CNTN4: variants seen among roughly 807,000 people sequenced by gnomAD.
CNTN4 encodes contactin-4.
In CNTN4, 77 loss-of-function variants were observed where a neutral mutation model predicts 122.5. That is an observed-to-expected ratio of 0.63 (90% CI 0.52 to 0.76). The LOEUF is 0.76. CNTN4 is among the 30% of genes least tolerant of loss of function. CNTN4 has a pLI of 0.00. For synonymous variants in CNTN4, 512 were observed against 447.0 expected (o/e 1.15, Z -1.83); for missense variants, 1,256 against 1,259.1 (o/e 1.00, Z 0.04).
intron 7 of CNTN4, among the ~76,000 whole-genome samples, chr3:2,821,185 G>A (rs901328299): frequency 4.6e-5 from 7 of 151,934 alleles, no homozygotes; most frequent in Non-Finnish European, 7.4e-5. Context: ...TCAAACTCCT[G>A]ACCTCAAGTG....
At chr3:2,914,269 G>A (rs567854096) in intron 12 of CNTN4, among the ~76,000 whole-genome samples, 38 of 151,946 alleles carry the variant, frequency 2.5e-4, no homozygotes, top group African/African-American at 7.7e-4. Context: ...TTTAAAAACT[G>A]AAAAATCAGT....
intron 13 of CNTN4, among the ~76,000 whole-genome samples, chr3:2,983,430 G>A (rs1030022823): frequency 6.6e-6 from 1 of 151,918 alleles, no homozygotes; most frequent in Non-Finnish European, 1.5e-5. Flanking sequence ...AGTCTTAACA[G>A]AATCCTTTGT....
chr3:2,621,252 C>G (rs182488170), intron 4 of CNTN4, among the ~76,000 whole-genome samples: 78 of 152,302 alleles, frequency 5.1e-4, no homozygotes, highest in African/African-American at 1.8e-3. Flanking sequence ...GAGTCTGCCT[C>G]AACACATTCT....
At chr3:2,804,065 G>GCACACACACACACACACA (rs71058651) in intron 6 of CNTN4, among the ~76,000 whole-genome samples, 1 of 144,326 alleles carries the variant, frequency 6.9e-6, no homozygotes, top group Non-Finnish European at 1.5e-5. Context: ...ATATATGTCT[G>GCACACACACACACACACA]CACACACACA....
chr3:2,535,641 T>A (rs545630019), intron 3 of CNTN4, among the ~76,000 whole-genome samples: 1 of 152,278 alleles, frequency 6.6e-6, no homozygotes, highest in Admixed American at 6.5e-5. Context: ...TATGTTCTAA[T>A]CTATTCCTAA....
At chr3:2,867,962 C>G (rs2093742770) in intron 8 of CNTN4, among the ~76,000 whole-genome samples, 1 of 152,116 alleles carries the variant, frequency 6.6e-6, no homozygotes, top group Non-Finnish European at 1.5e-5. Context: ...TAAATTCAAA[C>G]AAAGACATAA....
intron 2 of CNTN4, among the ~76,000 whole-genome samples, chr3:2,234,754 G>A (rs1000084112): frequency 6.6e-6 from 1 of 152,152 alleles, no homozygotes; most frequent in African/African-American, 2.4e-5. Flanking sequence ...TCGTCACAAA[G>A]AGCATATTTC....
intron 2 of CNTN4, among the ~76,000 whole-genome samples, chr3:2,191,777 A>G (rs188353351): frequency 4.6e-5 from 7 of 151,992 alleles, no homozygotes; most frequent in Non-Finnish European, 1.0e-4. Context: ...CATGTGCACA[A>G]CATGAGGTTT....
intron 3 of CNTN4, among the ~76,000 whole-genome samples, chr3:2,503,386 G>A (rs769553359): frequency 2.6e-5 from 4 of 152,114 alleles, no homozygotes; most frequent in African/African-American, 7.2e-5. Context: ...GTCTATGTTC[G>A]AAAATTTTAT....
intron 6 of CNTN4, among the ~76,000 whole-genome samples, chr3:2,764,248 A>T (rs2090735479): frequency 6.6e-6 from 1 of 152,226 alleles, no homozygotes; most frequent in Admixed American, 6.5e-5. Context: ...AATTGAGACA[A>T]ATGCTAAGAA....
At chr3:2,577,147 C>T (rs1047718120) in intron 4 of CNTN4, among the ~76,000 whole-genome samples, 2 of 152,192 alleles carry the variant, frequency 1.3e-5, no homozygotes, top group African/African-American at 4.8e-5. Flanking sequence ...TTTACTTCTG[C>T]TTCTTGGTAT....
chr3:2,275,931 A>ACC (rs1246830721), intron 2 of CNTN4, among the ~76,000 whole-genome samples: 1 of 101,200 alleles, frequency 9.9e-6, no homozygotes, highest in Non-Finnish European at 2.2e-5. Context: ...AAAAAAAAAA[A>ACC]AAAAAACAAA....
At chr3:2,950,810 T>G (rs2124827297) in intron 13 of CNTN4, among the ~76,000 whole-genome samples, 1 of 152,048 alleles carries the variant, frequency 6.6e-6, no homozygotes, top group East Asian at 1.9e-4. Flanking sequence ...GCCCATGAAC[T>G]TATCCTTATA....
At chr3:2,798,068 C>CTCCCATCT (rs2092246006) in intron 6 of CNTN4, among the ~76,000 whole-genome samples, 1 of 146,972 alleles carries the variant, frequency 6.8e-6, no homozygotes, top group Non-Finnish European at 1.5e-5. Context: ...TTTTTAATCC[C>CTCCCATCT]TCCCACCCTC....
intron 13 of CNTN4, among the ~76,000 whole-genome samples, chr3:2,984,942 GTTA>G: frequency 6.6e-6 from 1 of 152,238 alleles, no homozygotes; most frequent in East Asian, 1.9e-4. Context: ...AGCTATTTTT[GTTA>G]TTATTGAGGT....
At chr3:2,924,906 C>A (rs1216562652) in intron 12 of CNTN4, among the ~76,000 whole-genome samples, 2 of 151,854 alleles carry the variant, frequency 1.3e-5, no homozygotes, top group African/African-American at 4.8e-5. Context: ...GAGGTGGCGA[C>A]CATATCAGAG....
intron 3 of CNTN4, among the ~76,000 whole-genome samples, chr3:2,467,722 G>A (rs543236645): frequency 6.6e-6 from 1 of 152,168 alleles, no homozygotes; most frequent in East Asian, 1.9e-4. Flanking sequence ...CTTAGATATA[G>A]GTGTAAATTA....
intron 3 of CNTN4, among the ~76,000 whole-genome samples, chr3:2,507,567 C>G (rs2149046401): frequency 6.6e-6 from 1 of 151,666 alleles, no homozygotes; most frequent in Admixed American, 6.6e-5. Flanking sequence ...AACCCCGTCT[C>G]TACTAAAAAT....
intron 2 of CNTN4, among the ~76,000 whole-genome samples, chr3:2,275,551 T>C (rs2041473726): frequency 6.6e-6 from 1 of 151,742 alleles, no homozygotes; most frequent in South Asian, 2.1e-4. Context: ...TTCACAATTA[T>C]ATATTATATA....
Sources: gnomAD v4.1 joint callset for allele counts (sites outside exome capture counted in the v4.1 genomes callset) on GRCh38, gnomAD v4.1.1 for gene constraint, MANE v1.5 for transcripts, NCBI Gene and HGNC (gene_info 2026-07-23, HGNC 2026-07-21) for gene names.